ACTR3C: variants seen among roughly 807,000 people sequenced by gnomAD.
ACTR3C encodes the protein actin related protein 3C, also known as actin-related protein 3C.
In ACTR3C, 18 loss-of-function variants were observed where a neutral mutation model predicts 26.3. The observed-to-expected ratio is 0.68, with a 90% CI of 0.47 to 1.01. ACTR3C has a LOEUF of 1.01. Ranked by LOEUF, ACTR3C falls within the 50% of genes least tolerant of loss-of-function variation. The probability of loss-of-function intolerance (pLI) is 0.00; values close to 1 mark genes in which losing one functional copy is unlikely to be tolerated. For synonymous variants in ACTR3C, 55 were observed against 94.5 expected (o/e 0.58, Z 2.42); for missense variants, 184 against 250.7 (o/e 0.73, Z 1.80).
chr7:150,134,385 T>A, the ACTR3C span, among the ~76,000 whole-genome samples: 1 of 152,164 alleles, frequency 6.6e-6, no homozygotes, highest in African/African-American at 2.4e-5. Context: ...TGAAGACCCT[T>A]CTCTCTCTTT....
At chr7:150,319,760 G>T (rs1797307689) in intron 1 of ACTR3C, among the ~76,000 whole-genome samples, 2 of 152,292 alleles carry the variant, frequency 1.3e-5, no homozygotes, top group South Asian at 4.1e-4. Context: ...CCTGACCCGA[G>T]ACAGAGTTAG....
At chr7:150,048,400 G>A in the ACTR3C span, among the ~76,000 whole-genome samples, 1 of 152,088 alleles carries the variant, frequency 6.6e-6, no homozygotes. Flanking sequence ...TTGGCAGCCC[G>A]GAGAGGGCAC....
At chr7:150,047,609 GTCC>G in the ACTR3C span, 1 of 1,037,840 alleles carries the variant, frequency 9.6e-7, no homozygotes. Context: ...AAGCTCTTAC[GTCC>G]TCCTTGTCAC....
chr7:149,885,929 A>G, the ACTR3C span, among the ~76,000 whole-genome samples: 1 of 152,222 alleles, frequency 6.6e-6, no homozygotes, highest in African/African-American at 2.4e-5. Flanking sequence ...AGAGTCTACA[A>G]CTGGATCAAA....
chr7:150,042,483 C>G, the ACTR3C span, among the ~76,000 whole-genome samples: 5 of 124,860 alleles, frequency 4.0e-5, no homozygotes, highest in African/African-American at 1.4e-4. Flanking sequence ...GGGAGGTTCG[C>G]AGTCCCCGCC....
the ACTR3C span, among the ~76,000 whole-genome samples, chr7:149,889,444 TA>T: frequency 1.3e-5 from 2 of 152,140 alleles, no homozygotes; most frequent in South Asian, 4.1e-4. Context: ...CAAATTAATC[TA>T]AAAAATACAG....
At chr7:150,069,545 C>T in the ACTR3C span, among the ~76,000 whole-genome samples, 1 of 152,118 alleles carries the variant, frequency 6.6e-6, no homozygotes, top group Non-Finnish European at 1.5e-5. Flanking sequence ...GGATTGTATT[C>T]ACCCTGGGGG....
At chr7:150,100,354 G>A in the ACTR3C span, among the ~76,000 whole-genome samples, 1 of 151,708 alleles carries the variant, frequency 6.6e-6, no homozygotes, top group Non-Finnish European at 1.5e-5. Context: ...CAATCTGCAA[G>A]GAGCTAGCAA....
the ACTR3C span, among the ~76,000 whole-genome samples, chr7:149,886,863 G>A: frequency 3.3e-5 from 5 of 152,076 alleles, no homozygotes; most frequent in Non-Finnish European, 7.4e-5. Context: ...AGGAAGGCGA[G>A]GTAGGGGAAA....
chr7:150,224,211 T>A, the ACTR3C span, among the ~76,000 whole-genome samples: 1 of 152,322 alleles, frequency 6.6e-6, no homozygotes, highest in African/African-American at 2.4e-5. Context: ...TTTGCAAGAA[T>A]GTGAATGCCA....
At chr7:149,939,631 T>C in the ACTR3C span, among the ~76,000 whole-genome samples, 1 of 151,672 alleles carries the variant, frequency 6.6e-6, no homozygotes, top group South Asian at 2.1e-4. Context: ...ACTTTCGAGT[T>C]TCCTCAGCAA....
the ACTR3C span, among the ~76,000 whole-genome samples, chr7:149,932,091 C>G: frequency 6.6e-6 from 1 of 152,134 alleles, no homozygotes; most frequent in Non-Finnish European, 1.5e-5. Context: ...CAGGAAGTGT[C>G]CAGCAACTGA....
intron 1 of ACTR3C, among the ~76,000 whole-genome samples, chr7:150,310,727 A>C (rs572586513): frequency 1.3e-5 from 2 of 152,274 alleles, no homozygotes; most frequent in East Asian, 3.9e-4. Context: ...TTTCAGGAAC[A>C]GCCCACACTA....
In ACTR3C at chr7:150,272,690, GTTT is replaced by G. The variant is rs201919346; in HGVS notation, c.564+12060_564+12062del. ...AGTGTCTTTTTTGTGTGTTTTTTTGGTTTTTTTTTTTTTTTTTTGAGACAAGGT... is the reference window on the plus strand; with the variant it reads ...AGTGTCTTTTTTGTGTGTTTTTTTGGTTTTTTTTTTTTTTTGAGACAAGGT... On this transcript the variant is annotated intron_variant, in intron 6 of 7. Transcript: ENST00000683684. 1.9e-4 allele frequency among the ~76,000 whole-genome samples: 22 copies of G among 113,992 alleles called. 4 individuals carry two copies. The highest frequency in any genetic ancestry group is 7.4e-4 in the Admixed American group (9 of 12,152). 74.8% of individuals were successfully genotyped at this position (113,992 alleles called of 152,430 possible).
At chr7:150,227,568 G>T in the ACTR3C span, among the ~76,000 whole-genome samples, 1 of 150,820 alleles carries the variant, frequency 6.6e-6, no homozygotes, top group Admixed American at 6.6e-5. Flanking sequence ...AAACTTTATC[G>T]CAAAACCCTA....
the ACTR3C span, among the ~76,000 whole-genome samples, chr7:150,113,424 AT>A: frequency 1.4e-5 from 2 of 143,866 alleles, no homozygotes; most frequent in Non-Finnish European, 3.0e-5. Context: ...CAAACCATGC[AT>A]TCTTTAGAAT....
chr7:150,070,548 T>A, the ACTR3C span, among the ~76,000 whole-genome samples: 1 of 152,112 alleles, frequency 6.6e-6, no homozygotes, highest in East Asian at 1.9e-4. Context: ...CCTCTTGAGC[T>A]GGAGTGATCC....
chr7:149,937,959 G>T, the ACTR3C span, among the ~76,000 whole-genome samples: 79 of 152,266 alleles, frequency 5.2e-4, no homozygotes, highest in African/African-American at 1.9e-3. Flanking sequence ...AATGGGAGGA[G>T]GCTCTGAGTT....
the ACTR3C span, among the ~76,000 whole-genome samples, chr7:150,205,359 G>A: frequency 6.6e-6 from 1 of 152,180 alleles, no homozygotes; most frequent in Non-Finnish European, 1.5e-5. Flanking sequence ...CAAGAAAATA[G>A]ATGCCTATAC....
Sources: allele counts gnomAD v4.1 joint callset (sites outside exome capture counted in the v4.1 genomes callset), GRCh38; gene constraint gnomAD v4.1.1; transcripts MANE v1.5; gene names NCBI Gene and HGNC (gene_info 2026-07-23, HGNC 2026-07-21).